The following RBM24 variants were observed in gnomAD, a reference collection of about 807,000 sequenced individuals.
The protein encoded by RBM24 is RNA-binding protein 24.
Under a neutral mutation model 23.6 loss-of-function variants are expected in RBM24, and 5 were observed. The ratio of observed to expected loss-of-function variants is 0.21; its 90% confidence interval spans 0.11 to 0.45. The LOEUF (loss-of-function observed/expected upper bound fraction) is 0.45. Among genes scored for constraint, RBM24 ranks in the 20% least tolerant of loss-of-function variants. RBM24 has a pLI of 0.99. For missense variants in RBM24, 252 were observed against 314.6 expected, an observed-to-expected ratio of 0.80 and a Z score of 1.51; for synonymous variants, 151 against 129.5, an observed-to-expected ratio of 1.17 and a Z score of -1.13.
At chr6:17,288,491 G>A in intron 3 of RBM24, 3 of 984,688 alleles carry the variant, frequency 3.0e-6, no homozygotes, top group Non-Finnish European at 3.6e-6. Context: ...CCAGGGTTGT[G>A]AGATTATTAG....
chr6:17,285,718 A>G (rs1381639229), intron 3 of RBM24, among the ~76,000 whole-genome samples: 1 of 152,148 alleles, frequency 6.6e-6, no homozygotes, highest in African/African-American at 2.4e-5. Context: ...AACTCAGGTG[A>G]ACACCTGTTC....
chr6:17,282,529 C>T, intron 1 of RBM24: 1 of 523,756 alleles, frequency 1.9e-6, no homozygotes, highest in Non-Finnish European at 3.4e-6. Flanking sequence ...CTAGGCCCTA[C>T]TAACACCCTT....
intron 3 of RBM24, chr6:17,289,416 G>T (rs576418926): frequency 1.0e-6 from 1 of 985,278 alleles, no homozygotes; most frequent in Non-Finnish European, 1.2e-6. Context: ...TCATGTAGGA[G>T]TCTGATAATC....
rs918121462 is a variant in RBM24, at chr6:17,281,574, G to A, written c.-8G>A. 33 of 1,498,026 alleles carry A rather than the reference G, an allele frequency of 2.2e-5. No homozygotes were observed. Among genetic ancestry groups the A allele is most frequent in the Non-Finnish European group, 2.8e-5 (31 of 1,123,828 alleles). The allele number at this position is 1,498,026 out of a possible 1,614,324, so 92.8% of individuals were successfully genotyped here. ...AGCCGGAGCCCGAGCCGCGGGGCGG[G>A]TGCGAAGATGCACACGACCCAGAAG... On this transcript the variant is annotated 5_prime_UTR_variant, in exon 1 of 4. In the 5' UTR this introduces an upstream ATG that the reference lacks. Coordinates refer to ENST00000379052, the MANE Select transcript of RBM24 (RefSeq NM_001143942.2). The surrounding 1 kb of genome is among the most constrained non-coding windows in gnomAD (Gnocchi z 7.1).
Position 17,291,873 on chromosome 6 carries a change from T to C in RBM24, c.465T>C (p.Ala155=). ...CCCCTTACATTGATTACACTGGAGC[T>C]GCATACGCACAATACTCAGCAGCTG... ...STTPYIDYTG[A]AYAQYSAAAA... is the part of the protein sequence containing the mutation. The change falls in exon 4 of 4, where the codon GCT becomes GCC. Residue 155 remains alanine, a synonymous_variant. Transcript: ENST00000379052. The C allele has an allele frequency of 6.2e-7, 1 of 1,614,040 alleles. No individual in the cohort carries two copies. The highest frequency in any genetic ancestry group is 8.5e-7 in the Non-Finnish European group (1 of 1,180,004).
intron 3 of RBM24, chr6:17,288,352 C>A: frequency 7.1e-6 from 7 of 985,348 alleles, no homozygotes; most frequent in Non-Finnish European, 8.4e-6. Flanking sequence ...CAGAAGTCTT[C>A]GTGAAGGAAG....
intron 2 of RBM24, chr6:17,283,138 A>C: frequency 1.9e-6 from 1 of 524,604 alleles, no homozygotes; most frequent in Non-Finnish European, 3.4e-6. Flanking sequence ...GCAAAAATGG[A>C]TCTTGGGGGT....
chr6:17,289,317 G>A (rs764441547), intron 3 of RBM24: 29 of 985,166 alleles, frequency 2.9e-5, no homozygotes, highest in Non-Finnish European at 3.5e-5. Context: ...GCTCTCCAAG[G>A]TCTTTCGGGT....
intron 3 of RBM24, chr6:17,288,260 T>G: frequency 1.0e-6 from 1 of 985,352 alleles, no homozygotes; most frequent in Non-Finnish European, 1.2e-6. Flanking sequence ...CATAATCCAG[T>G]AAGAAAGCCG....
Position 17,281,472 on chromosome 6 carries a change from C to T in RBM24, c.-110C>T. The T allele has an allele frequency of 2.0e-6, 2 of 1,001,214 alleles. No individual in the cohort carries two copies. Among genetic ancestry groups the T allele is most frequent in the Non-Finnish European group, 2.5e-6 (2 of 791,942 alleles). The allele number at this position is 1,001,214 out of a possible 1,614,324, so 62.0% of individuals were successfully genotyped here. ...CCCTCGCCCCCGGGCTCGCCCTTGG[C>T]CCCCGGCGGCCGCGAAAGGGTGCGG... On this transcript the variant is annotated 5_prime_UTR_variant, in exon 1 of 4. Transcript: ENST00000379052. The surrounding 1 kb of genome is among the most constrained non-coding windows in gnomAD (Gnocchi z 7.1).
At chr6:17,283,296 C>G (rs547492953) in intron 2 of RBM24, among the ~76,000 whole-genome samples, 12 of 152,312 alleles carry the variant, frequency 7.9e-5, no homozygotes, top group Admixed American at 6.5e-4. Flanking sequence ...AGCTAATATA[C>G]TTCCCTACTT....
chr6:17,289,780 A>C (rs1760299183), intron 3 of RBM24: 8 of 1,063,694 alleles, frequency 7.5e-6, no homozygotes, highest in Non-Finnish European at 9.1e-6. Flanking sequence ...AGGATCAAAA[A>C]TAGCCCGGCT....
rs1760371760 is a variant in RBM24, at chr6:17,291,880, G to A, written c.472G>A (p.Ala158Thr). The A allele has an allele frequency of 3.0e-5, 48 of 1,613,826 alleles. No homozygotes were observed. Among genetic ancestry groups the A allele is most frequent in the Non-Finnish European group, 3.9e-5 (46 of 1,179,996 alleles). ...CATTGATTACACTGGAGCTGCATAC[G>A]CACAATACTCAGCAGCTGCTGCTGC... ...PYIDYTGAAYAQYSAAAAAAA... is the reference protein window; with the variant it reads ...PYIDYTGAAYTQYSAAAAAAA... Residue 158 changes from alanine (A) to threonine (T), a missense_variant, in exon 4 of 4, where the codon GCA becomes ACA. By Grantham distance (58) the Ala-to-Thr change is moderately conservative (BLOSUM62 0). Coordinates refer to ENST00000379052, the MANE Select transcript of RBM24 (RefSeq NM_001143942.2).
In RBM24 at chr6:17,291,819, C is replaced by T. The variant is rs1453699863; in HGVS notation, c.411C>T (p.Val137=). ...FVQPGVVIPH[V]QPTAAAASTT... is the part of the protein sequence containing the mutation. ...AGCCGGGAGTGGTCATTCCACACGTCCAGCCGACAGCAGCTGCCGCCTCCA... is the reference window on the plus strand; with the variant it reads ...AGCCGGGAGTGGTCATTCCACACGTTCAGCCGACAGCAGCTGCCGCCTCCA... The change falls in exon 4 of 4, where the codon GTC becomes GTT. Residue 137 remains valine (V), a synonymous_variant. Coordinates refer to ENST00000379052, the MANE Select transcript of RBM24 (RefSeq NM_001143942.2). 1.2e-6 allele frequency: 2 copies of T among 1,614,018 alleles called. No homozygotes were observed.
At chr6:17,283,337 A>T (rs1369681296) in intron 2 of RBM24, among the ~76,000 whole-genome samples, 1 of 152,170 alleles carries the variant, frequency 6.6e-6, no homozygotes, top group Non-Finnish European at 1.5e-5. Flanking sequence ...CACCAGTTGC[A>T]CTGTGCTCAG....
intron 2 of RBM24, chr6:17,283,199 C>A: frequency 5.2e-6 from 2 of 385,350 alleles, no homozygotes; most frequent in African/African-American, 2.0e-5. Flanking sequence ...ATATGGCATA[C>A]ATTTGTAGTC....
chr6:17,289,044 G>T, intron 3 of RBM24: 6 of 985,406 alleles, frequency 6.1e-6, no homozygotes, highest in Non-Finnish European at 7.2e-6. Flanking sequence ...GAAGAGATGG[G>T]AAGAAAAGGA....
chr6:17,288,196 G>A, intron 3 of RBM24: 1 of 968,040 alleles, frequency 1.0e-6, no homozygotes, highest in Non-Finnish European at 1.2e-6. Flanking sequence ...CTCAGAAGCT[G>A]CAGTCTTTCC....
Position 17,288,907 on chromosome 6 carries a change from T to C in RBM24, c.348-2849T>C, listed in dbSNP as rs1236311930. 7.1e-6 allele frequency: 7 copies of C among 985,262 alleles called. No homozygotes were observed. The African/African-American group carries it at 1.0e-4, about 15-fold the overall frequency. 61.0% of individuals were successfully genotyped at this position (985,262 alleles called of 1,614,324 possible). On this transcript the variant is annotated intron_variant, in intron 3 of 3. Coordinates refer to ENST00000379052, the MANE Select transcript of RBM24 (RefSeq NM_001143942.2). Reference sequence around the variant, plus strand: ...GGGGCCAAGGATTACTTTGAGCAAATGAATGAGATGGAGTATTTGTCATCA... The same window carrying C: ...GGGGCCAAGGATTACTTTGAGCAAACGAATGAGATGGAGTATTTGTCATCA...
Sources: allele counts gnomAD v4.1 joint callset (sites outside exome capture counted in the v4.1 genomes callset), GRCh38; gene constraint gnomAD v4.1.1; non-coding constraint Gnocchi (gnomAD v3.1); transcripts MANE v1.5; gene names NCBI Gene and HGNC (gene_info 2026-07-23, HGNC 2026-07-21).